Variants in TSHZ3 observed in about 807,000 individuals in gnomAD.
The protein encoded by TSHZ3 is teashirt homolog 3.
A neutral mutation model predicts 64.5 loss-of-function variants in TSHZ3; 10 were observed. The observed-to-expected ratio is 0.16, with a 90% CI of 0.10 to 0.26. The LOEUF is 0.26. Ranked by LOEUF, TSHZ3 falls within the 10% of genes least tolerant of loss-of-function variation. TSHZ3 has a pLI of 1.00. For missense variants in TSHZ3, 1,242 were observed against 1,421.7 expected (o/e 0.87, Z 2.03); for synonymous variants, 608 against 593.1 (o/e 1.03, Z -0.36).
intron 5 of TSHZ3, among the ~76,000 whole-genome samples, chr19:31,190,894 TAA>T (rs57435007): frequency 6.6e-6 from 1 of 151,666 alleles, no homozygotes; most frequent in Non-Finnish European, 1.5e-5. Context: ...AATTCTAGAA[TAA>T]AAAAAATGTA....
intron 1 of TSHZ3, among the ~76,000 whole-genome samples, chr19:31,296,314 G>A (rs1053372448): frequency 1.3e-4 from 20 of 149,624 alleles, no homozygotes; most frequent in African/African-American, 5.0e-4. Context: ...ATGAAGTGCT[G>A]GAAGTGCTGT....
chr19:31,176,522 A>G (rs550594219), intron 5 of TSHZ3, among the ~76,000 whole-genome samples: 176 of 152,324 alleles, frequency 1.2e-3, no homozygotes, highest in Admixed American at 3.1e-3. Flanking sequence ...GAGTCCAAGC[A>G]TGGTGTTTCG....
downstream of TSHZ3, among the ~76,000 whole-genome samples, chr19:31,271,491 G>A (rs1275876845): frequency 6.6e-6 from 1 of 152,204 alleles, no homozygotes; most frequent in African/African-American, 2.4e-5. Flanking sequence ...AGGAAGGTGA[G>A]GTCGGTTCTA....
At chr19:31,262,116 C>T (rs1975988721) in intron 1 of TSHZ3, among the ~76,000 whole-genome samples, 1 of 152,104 alleles carries the variant, frequency 6.6e-6, no homozygotes, top group Non-Finnish European at 1.5e-5. Context: ...GTGCTAAAAC[C>T]CAGAACATGA....
chr19:31,197,439 G>T (rs1385412083), intron 5 of TSHZ3, among the ~76,000 whole-genome samples: 1 of 148,294 alleles, frequency 6.7e-6, no homozygotes, highest in African/African-American at 2.5e-5. Flanking sequence ...CTGGAATAAG[G>T]AGAAGAAAAA....
At chr19:31,321,112 T>G (rs1390667007) in intron 1 of TSHZ3, among the ~76,000 whole-genome samples, 1 of 152,234 alleles carries the variant, frequency 6.6e-6, no homozygotes, top group Non-Finnish European at 1.5e-5. Context: ...AGGATGGCAG[T>G]GATACCATGC....
Position 31,278,602 on chromosome 19 carries a change from G to A in TSHZ3, c.1191C>T (p.Thr397=), listed in dbSNP as rs145786262. The part of the protein sequence containing the change: ...KCMECGSSHD[T]LQELTAHMMV... Reference sequence around the variant, plus strand: ...TCATGTGGGCAGTGAGCTCCTGCAGGGTGTCATGCGAGCTCCCACACTCCA... The same window carrying A: ...TCATGTGGGCAGTGAGCTCCTGCAGAGTGTCATGCGAGCTCCCACACTCCA... Residue 397 remains threonine (T), a synonymous_variant, in exon 2 of 2, where the codon ACC becomes ACT. Coordinates refer to ENST00000240587, the MANE Select transcript of TSHZ3 (RefSeq NM_020856.4). The surrounding 1 kb of genome is among the most constrained non-coding windows in gnomAD (Gnocchi z 4.7). The A allele has an allele frequency of 1.4e-5, 22 of 1,614,022 alleles. No individual in the cohort carries two copies. In the African/African-American group the frequency reaches 2.7e-4, roughly 20 times the overall value.
rs184601947 is a variant in TSHZ3 at position 31,197,826 on chromosome 19, G to T, written n.809+7130C>A. On this transcript the variant is annotated intron_variant and non_coding_transcript_variant, in intron 5 of 6. Coordinates refer to the TSHZ3 transcript ENST00000651361. ...AATATTTAATAATTAAAAACAGAAA[G>T]CACCAGCTCTAGATGGCTTTACTGG... Among the ~76,000 whole-genome samples, 927 of 151,970 alleles carry T rather than the reference G, an allele frequency of 6.1e-3. 8 individuals are homozygous for T. The highest frequency in any genetic ancestry group is 0.022 in the African/African-American group (896 of 41,492).
At chr19:31,256,302 A>G (rs1472073283) in intron 1 of TSHZ3, among the ~76,000 whole-genome samples, 1 of 151,916 alleles carries the variant, frequency 6.6e-6, no homozygotes, top group Non-Finnish European at 1.5e-5. Context: ...TTAGAATCCA[A>G]CACACCCTCT....
At position 31,277,810 on chromosome 19, in the gene TSHZ3, A is replaced by G. The variant is rs921190704; in HGVS notation, c.1983T>C (p.Asp661=). ...TGTTCTCCTGGCTGCGGAAGCCCCC[A>G]TCGCTGGATGCCTCCATCTTGATGG... ...GEPIKMEASS[D]GGFRSQENSP... Residue 661 remains aspartate (D), a synonymous_variant, in exon 2 of 2, where the codon GAT becomes GAC. Coordinates refer to ENST00000240587, the MANE Select transcript of TSHZ3 (RefSeq NM_020856.4). The surrounding 1 kb of genome is among the most constrained non-coding windows in gnomAD (Gnocchi z 4.5). 6.4e-7 allele frequency: 1 copy of G among 1,550,394 alleles called. No homozygotes were observed. The highest frequency in any genetic ancestry group is 8.7e-7 in the Non-Finnish European group (1 of 1,150,904).
chr19:31,326,072 T>C (rs947027523), intron 1 of TSHZ3, among the ~76,000 whole-genome samples: 2 of 152,256 alleles, frequency 1.3e-5, no homozygotes, highest in African/African-American at 2.4e-5. Flanking sequence ...ATCTTAACTT[T>C]TGGATGCATG....
chr19:31,329,532 C>A (rs77301164), intron 1 of TSHZ3, among the ~76,000 whole-genome samples: 1 of 152,142 alleles, frequency 6.6e-6, no homozygotes, highest in Non-Finnish European at 1.5e-5. Flanking sequence ...CACCTCACAC[C>A]GGTGAAATTG....
chr19:31,175,222 G>A (rs748066893), intron 5 of TSHZ3, among the ~76,000 whole-genome samples: 10 of 152,122 alleles, frequency 6.6e-5, no homozygotes, highest in Non-Finnish European at 1.2e-4. Context: ...GCCCTCGGCC[G>A]GGAATTCTTA....
At chr19:31,214,937 C>G (rs1254916445) in intron 4 of TSHZ3, among the ~76,000 whole-genome samples, 1 of 148,622 alleles carries the variant, frequency 6.7e-6, no homozygotes, top group South Asian at 2.1e-4. Flanking sequence ...AAAAAAGAAC[C>G]GAGCATTCAA....
intron 5 of TSHZ3, among the ~76,000 whole-genome samples, chr19:31,190,784 T>C (rs1974892241): frequency 6.6e-6 from 1 of 152,186 alleles, no homozygotes; most frequent in Non-Finnish European, 1.5e-5. Flanking sequence ...GAAGCCATTA[T>C]AAATATGTTC....
At chr19:31,285,786 A>C (rs1341551252) in intron 1 of TSHZ3, among the ~76,000 whole-genome samples, 1 of 127,112 alleles carries the variant, frequency 7.9e-6, no homozygotes, top group African/African-American at 2.6e-5. Flanking sequence ...TGTCTCAAAA[A>C]AAAAAAAAAA....
intron 5 of TSHZ3, among the ~76,000 whole-genome samples, chr19:31,187,251 T>G (rs1010967253): frequency 6.6e-6 from 1 of 152,188 alleles, no homozygotes; most frequent in Non-Finnish European, 1.5e-5. Flanking sequence ...GAACACCATA[T>G]AAATGGAATC....
At chr19:31,349,053 G>A in intron 1 of TSHZ3, 127 bp downstream of exon 1, 1 of 1,246,446 alleles carries the variant, frequency 8.0e-7, no homozygotes, top group Admixed American at 2.6e-5. Flanking sequence ...AAACAGGAGA[G>A]CGGCGCCCGG....
At chr19:31,340,585 G>C (rs1329152738) in intron 1 of TSHZ3, among the ~76,000 whole-genome samples, 1 of 152,178 alleles carries the variant, frequency 6.6e-6, no homozygotes, top group Non-Finnish European at 1.5e-5. Flanking sequence ...TGGCGGTGAG[G>C]AGAGAAAAGG....
Sources: gnomAD v4.1 joint callset for allele counts (sites outside exome capture counted in the v4.1 genomes callset) on GRCh38, gnomAD v4.1.1 for gene constraint, Gnocchi (gnomAD v3.1) non-coding constraint, MANE v1.5 for transcripts, NCBI Gene and HGNC (gene_info 2026-07-23, HGNC 2026-07-21) for gene names.